ULK4: variants seen among roughly 807,000 people sequenced by gnomAD.
ULK4 encodes unc-51 like kinase 4, also known as inactive serine/threonine-protein kinase ULK4.
In ULK4, 133 loss-of-function variants were observed where a neutral mutation model predicts 160.6. That is an observed-to-expected ratio of 0.83 (90% CI 0.72 to 0.96). ULK4 has a LOEUF of 0.96. Among genes scored for constraint, ULK4 ranks in the 40% least tolerant of loss-of-function variants. The pLI is 0.00. For synonymous variants in ULK4, 534 were observed against 539.8 expected, an observed-to-expected ratio of 0.99 and a Z score of 0.15; for missense variants, 1,580 against 1,499.5, an observed-to-expected ratio of 1.05 and a Z score of -0.89.
At chr3:41,529,245 T>A (rs2086220295) in intron 32 of ULK4, among the ~76,000 whole-genome samples, 1 of 152,164 alleles carries the variant, frequency 6.6e-6, no homozygotes, top group Admixed American at 6.5e-5. Flanking sequence ...TTTCCATGAT[T>A]CATTAAAACG....
chr3:41,681,716 T>G, intron 28 of ULK4, 37 bp downstream of exon 28: 2 of 1,613,948 alleles, frequency 1.2e-6, no homozygotes. Flanking sequence ...ATAGAATGTG[T>G]AACTGATGCA....
chr3:41,954,946 AAAT>A, intron 1 of ULK4, 139 bp from the exon 2 acceptor site: 3 of 586,600 alleles, frequency 5.1e-6, no homozygotes, highest in Non-Finnish European at 8.5e-6. Context: ...TACAAATGTT[AAAT>A]ACTAATGCTG....
rs1399236144 is a variant in ULK4, at chr3:41,794,681, A to C, written c.2011-4838T>G. ...GTCTCAAAAAAAAAAAAAAAAAAAA[A>C]AAAAACACAGAAAAAAAAACCACAA... is the stretch of plus-strand genomic sequence containing the variant. On this transcript the variant is annotated intron_variant, in intron 20 of 36. Transcript: ENST00000301831. Among the ~76,000 whole-genome samples the C allele has an allele frequency of 1.0e-3, 133 of 130,218 alleles. 5 individuals carry two copies. The highest frequency in any genetic ancestry group is 4.0e-3 in the African/African-American group (129 of 31,852). 85.4% of individuals were successfully genotyped at this position (130,218 alleles called of 152,430 possible). A position where few individuals can be genotyped will look rare whatever the true frequency, so the allele number is the denominator to read the frequency against.
At chr3:41,552,459 A>C (rs2087108953) in intron 32 of ULK4, among the ~76,000 whole-genome samples, 1 of 152,012 alleles carries the variant, frequency 6.6e-6, no homozygotes, top group African/African-American at 2.4e-5. Context: ...TTATACACTA[A>C]TAATAAACTA....
chr3:41,552,796 G>C (rs927000075), intron 32 of ULK4, among the ~76,000 whole-genome samples: 2 of 151,398 alleles, frequency 1.3e-5, no homozygotes, highest in African/African-American at 4.8e-5. Context: ...AAGCAATCTG[G>C]AGAAAAATAA....
intron 31 of ULK4, among the ~76,000 whole-genome samples, chr3:41,579,007 T>A (rs1223825919): frequency 6.6e-6 from 1 of 152,122 alleles, no homozygotes; most frequent in Non-Finnish European, 1.5e-5. Flanking sequence ...ACTTATGGGG[T>A]TCTTGGCTAT....
At chr3:41,775,758 T>C (rs986570961) in intron 21 of ULK4, among the ~76,000 whole-genome samples, 2 of 150,848 alleles carry the variant, frequency 1.3e-5, no homozygotes, top group African/African-American at 5.0e-5. Flanking sequence ...ACTACTCACA[T>C]ACGTTATTAT....
At chr3:41,523,342 G>T (rs1035368176) in intron 32 of ULK4, among the ~76,000 whole-genome samples, 2 of 152,188 alleles carry the variant, frequency 1.3e-5, no homozygotes, top group Admixed American at 6.5e-5. Flanking sequence ...AAGATCAGAA[G>T]TGGGACAACA....
intron 35 of ULK4, among the ~76,000 whole-genome samples, chr3:41,272,340 A>G (rs1374009852): frequency 1.5e-5 from 2 of 134,178 alleles, no homozygotes; most frequent in African/African-American, 5.9e-5. Context: ...TTCAATTTTG[A>G]AAGTTTTTTT....
intron 34 of ULK4, among the ~76,000 whole-genome samples, chr3:41,400,423 G>A (rs1030483276): frequency 1.3e-5 from 2 of 152,062 alleles, no homozygotes; most frequent in Non-Finnish European, 2.9e-5. Flanking sequence ...TTTCAAGTAT[G>A]TTACATACAT....
intron 1 of ULK4, among the ~76,000 whole-genome samples, chr3:41,961,766 C>G (rs1026146777): frequency 6.6e-6 from 1 of 152,210 alleles, no homozygotes; most frequent in Non-Finnish European, 1.5e-5. Context: ...ACTCTCTCTC[C>G]CCGCTGCACC....
intron 34 of ULK4, among the ~76,000 whole-genome samples, chr3:41,424,093 T>C (rs1470266532): frequency 6.6e-6 from 1 of 151,978 alleles, no homozygotes; most frequent in African/African-American, 2.4e-5. Flanking sequence ...CTGCCATCTT[T>C]CCCCTGCCAG....
chr3:41,428,205 A>T (rs115396910), intron 34 of ULK4, among the ~76,000 whole-genome samples: 1,584 of 152,276 alleles, frequency 0.01, 25 homozygotes, highest in African/African-American at 0.035. Flanking sequence ...GAAAACAGTT[A>T]ACAAAGGAAG....
intron 30 of ULK4, among the ~76,000 whole-genome samples, chr3:41,638,434 C>T (rs903557204): frequency 6.6e-6 from 1 of 152,086 alleles, no homozygotes; most frequent in African/African-American, 2.4e-5. Context: ...GAAATGCACC[C>T]CAAAAAATGG....
At chr3:41,863,753 C>A (rs1305626613) in intron 17 of ULK4, among the ~76,000 whole-genome samples, 2 of 151,878 alleles carry the variant, frequency 1.3e-5, no homozygotes, top group East Asian at 3.9e-4. Flanking sequence ...GGAGCCAGGG[C>A]CCGAAACAGG....
At chr3:41,931,796 TG>T (rs768147689) in intron 5 of ULK4, 47 bp downstream of exon 5, 4 of 1,596,476 alleles carry the variant, frequency 2.5e-6, no homozygotes. Context: ...AGGACTTGGA[TG>T]GTCCACAACT....
intron 19 of ULK4, among the ~76,000 whole-genome samples, chr3:41,809,167 A>G (rs887648584): frequency 1.8e-4 from 19 of 106,524 alleles, no homozygotes; most frequent in African/African-American, 5.2e-4. Context: ...CTCCGTCTCA[A>G]AAAAAAAACA....
At chr3:41,491,952 A>G (rs1375341506) in intron 32 of ULK4, among the ~76,000 whole-genome samples, 1 of 150,838 alleles carries the variant, frequency 6.6e-6, no homozygotes, top group Non-Finnish European at 1.5e-5. Flanking sequence ...TCATTGTTCA[A>G]TTCCCATCTA....
At chr3:41,387,843 T>C (rs2081856520) in intron 35 of ULK4, among the ~76,000 whole-genome samples, 1 of 152,214 alleles carries the variant, frequency 6.6e-6, no homozygotes, top group Non-Finnish European at 1.5e-5. Flanking sequence ...TACGTGTGCA[T>C]GTGTCTTCAT....
Sources: gnomAD v4.1 joint callset for allele counts (sites outside exome capture counted in the v4.1 genomes callset) on GRCh38, gnomAD v4.1.1 for gene constraint, MANE v1.5 for transcripts, NCBI Gene and HGNC (gene_info 2026-07-23, HGNC 2026-07-21) for gene names.